TBC1D1: variants seen among roughly 807,000 people sequenced by gnomAD.
TBC1D1 encodes the protein TBC1 (tre-2/USP6, BUB2, cdc16) domain family, member 1.
In TBC1D1, 89 loss-of-function variants were observed where a neutral mutation model predicts 125.6. That is an observed-to-expected ratio of 0.71 (90% CI 0.60 to 0.85). TBC1D1 has a LOEUF of 0.85. TBC1D1 is among the 40% of genes least tolerant of loss of function. The pLI is 0.00. For missense variants in TBC1D1, 1,377 were observed against 1,469.2 expected, an observed-to-expected ratio of 0.94 and a Z score of 1.03; for synonymous variants, 565 against 564.1, an observed-to-expected ratio of 1.00 and a Z score of -0.02.
rs541022547 is a variant in TBC1D1, at chr4:38,067,611, C to T, written c.2050+13273C>T. Reference sequence around the variant, plus strand: ...GAGGCCGTCAGTGGGGATACCTTTCCGGACAAAGTGGTGTTTCTGCCTGGC... The same window carrying T: ...GAGGCCGTCAGTGGGGATACCTTTCTGGACAAAGTGGTGTTTCTGCCTGGC... On this transcript the variant is annotated intron_variant, in intron 12 of 19. Transcript: ENST00000261439. Among the ~76,000 whole-genome samples the T allele has an allele frequency of 3.2e-4, 49 of 152,296 alleles. 1 individual carries two copies. The highest frequency in any genetic ancestry group is 1.0e-3 in the African/African-American group (42 of 41,562).
At chr4:37,914,767 A>G (rs939677328) in intron 2 of TBC1D1, among the ~76,000 whole-genome samples, 18 of 152,170 alleles carry the variant, frequency 1.2e-4, no homozygotes, top group African/African-American at 4.1e-4. Flanking sequence ...CCTGGTGTTT[A>G]TATTGCTCAA....
At chr4:38,129,075 G>A (rs1368177144) in intron 18 of TBC1D1, among the ~76,000 whole-genome samples, 1 of 152,164 alleles carries the variant, frequency 6.6e-6, no homozygotes, top group Admixed American at 6.5e-5. Context: ...AGCATCTGGG[G>A]CCACACCCGA....
chr4:37,916,091 G>C lies in TBC1D1; in HGVS notation c.417+13579G>C, dbSNP rs922341722. ...CTTTTTATTCTGAAATGCTTTTTCTGATTATACAAGAGTTGATGCTAAATG... is the reference window on the plus strand; with the variant it reads ...CTTTTTATTCTGAAATGCTTTTTCTCATTATACAAGAGTTGATGCTAAATG... On this transcript the variant is annotated intron_variant, in intron 2 of 19. Transcript: ENST00000261439. 2.0e-5 allele frequency among the ~76,000 whole-genome samples: 3 copies of C among 152,116 alleles called. No individual in the cohort carries two copies. In the South Asian group the frequency reaches 6.2e-4, roughly 32 times the overall value.
At chr4:37,935,709 C>T (rs1298147253) in intron 2 of TBC1D1, among the ~76,000 whole-genome samples, 1 of 152,164 alleles carries the variant, frequency 6.6e-6, no homozygotes, top group African/African-American at 2.4e-5. Flanking sequence ...CCTGTTTAAG[C>T]TCTTGCATGG....
intron 2 of TBC1D1, among the ~76,000 whole-genome samples, chr4:37,910,834 G>T (rs562307727): frequency 6.6e-6 from 1 of 152,146 alleles, no homozygotes; most frequent in South Asian, 2.1e-4. Context: ...GATGCTTGAG[G>T]TGATGGATAC....
At chr4:38,058,349 C>T (rs1390222429) in intron 12 of TBC1D1, among the ~76,000 whole-genome samples, 2 of 152,194 alleles carry the variant, frequency 1.3e-5, no homozygotes, top group African/African-American at 2.4e-5. Context: ...ACATCACATC[C>T]AAAGACAGTT....
rs796563743 is a variant in TBC1D1, at chr4:38,138,992, G to A, written c.*1657G>A. 12 of 152,660 alleles carry A rather than the reference G, an allele frequency of 7.9e-5. No homozygotes were observed. Among genetic ancestry groups the A allele is most frequent in the African/African-American group, 1.7e-4 (7 of 41,538 alleles). 9.5% of individuals were successfully genotyped at this position (152,660 alleles called of 1,614,324 possible). On this transcript the variant is annotated 3_prime_UTR_variant, in exon 20 of 20. Transcript: ENST00000261439. ...ATGATGAGTTCAGCCTTTATCCCTC[G>A]TGGTTCCGCTAGATGTAACTTATAG... is the stretch of plus-strand genomic sequence containing the variant.
chr4:37,948,936 G>A (rs992412427), intron 2 of TBC1D1, among the ~76,000 whole-genome samples: 8 of 152,280 alleles, frequency 5.3e-5, no homozygotes, highest in South Asian at 4.1e-4. Flanking sequence ...TCATGTTGTA[G>A]CATATATCAG....
chr4:37,999,005 G>C (rs1262982036), intron 2 of TBC1D1, among the ~76,000 whole-genome samples: 3 of 152,148 alleles, frequency 2.0e-5, no homozygotes, highest in Non-Finnish European at 4.4e-5. Context: ...CCAGCACTTT[G>C]GGAAGCCAAA....
rs543592457 is a variant in TBC1D1 at position 38,073,403 on chromosome 4, A to G, written c.2051-16529A>G. Among the ~76,000 whole-genome samples, 3 of 152,350 alleles carry G rather than the reference A, an allele frequency of 2.0e-5. No homozygotes were observed. In the South Asian group the frequency reaches 6.2e-4, roughly 32 times the overall value. On this transcript the variant is annotated intron_variant, in intron 12 of 19. Coordinates refer to ENST00000261439, the MANE Select transcript of TBC1D1 (RefSeq NM_015173.4). ...TGGTAAATATGTAAGTTTTTATTAT[A>G]AAATAATGGCCATCCTAGTGAGCGT...
intron 2 of TBC1D1, among the ~76,000 whole-genome samples, chr4:37,909,450 T>C (rs1364059276): frequency 6.6e-6 from 1 of 152,230 alleles, no homozygotes; most frequent in African/African-American, 2.4e-5. Context: ...CCACTTAATA[T>C]ATGCACCATT....
At position 38,093,514 on chromosome 4, in the gene TBC1D1, C is replaced by T. The variant is rs571319858; in HGVS notation, c.2237-2415C>T. On this transcript the variant is annotated intron_variant, in intron 13 of 19. Coordinates refer to ENST00000261439, the MANE Select transcript of TBC1D1 (RefSeq NM_015173.4). The stretch of plus-strand genomic sequence containing the variant: ...CCTCCACCGTCCTCCTCTGCAAGGC[C>T]GTTTTCCCCCCCCTTTTTTTTTTTT... Among the ~76,000 whole-genome samples, 8 of 148,888 alleles carry T rather than the reference C, an allele frequency of 5.4e-5. No individual in the cohort carries two copies. In the East Asian group the frequency reaches 1.2e-3, roughly 22 times the overall value.
At chr4:37,916,340 G>GTA (rs199852317) in intron 2 of TBC1D1, among the ~76,000 whole-genome samples, 2,651 of 150,602 alleles carry the variant, frequency 0.018, 81 homozygotes, top group African/African-American at 0.061. Context: ...ATGTGTGTGT[G>GTA]TATATATGTG....
rs1016975778 is a variant in TBC1D1 at position 38,089,934 on chromosome 4, T to G, written c.2053T>G (p.Tyr685Asp). 1.3e-6 allele frequency: 2 copies of G among 1,563,612 alleles called. No homozygotes were observed. The highest frequency in any genetic ancestry group is 2.8e-5 in the African/African-American group (2 of 72,336). Residue 685 changes from tyrosine (Y) to aspartate (D), a missense_variant and splice_region_variant, in exon 13 of 20, where the codon TAT becomes GAT. By Grantham distance (160) the Tyr-to-Asp change is radical (BLOSUM62 -3). This residue lies in a region of TBC1D1 where 543 missense variants were observed against 613.5 expected (regional missense o/e 0.89). Coordinates refer to ENST00000261439, the MANE Select transcript of TBC1D1 (RefSeq NM_015173.4). ...TGGAATGCCGTCTCCCTTTCCAGAT[T>G]ATTCAGAGCTGGGAGAGCTTCCCCC...
intron 2 of TBC1D1, among the ~76,000 whole-genome samples, chr4:37,912,473 A>T (rs921586727): frequency 6.6e-6 from 1 of 152,244 alleles, no homozygotes; most frequent in Non-Finnish European, 1.5e-5. Context: ...AGGAAGGGCT[A>T]AGGCCAGATT....
intron 2 of TBC1D1, among the ~76,000 whole-genome samples, chr4:37,919,245 G>A (rs1424688895): frequency 6.6e-6 from 1 of 151,666 alleles, no homozygotes; most frequent in Non-Finnish European, 1.5e-5. Flanking sequence ...TCGGCTCACT[G>A]CAACCTCCAC....
Position 38,137,250 on chromosome 4 carries a change from A to G in TBC1D1, c.3422A>G (p.Gln1141Arg). ...GAACTGGAGCGGTCGGCCCTGCTGC[A>G]GACGGTGGAGGAGCTGCGGCGGCGG... The change falls in exon 20 of 20, where the codon CAG becomes CGG. Residue 1141 changes from glutamine to arginine, a missense_variant. This residue lies in a region of TBC1D1 where 543 missense variants were observed against 613.5 expected (regional missense o/e 0.89). Transcript: ENST00000261439. 6.2e-7 allele frequency: 1 copy of G among 1,612,222 alleles called. No individual in the cohort carries two copies.
intron 12 of TBC1D1, among the ~76,000 whole-genome samples, chr4:38,056,542 A>C (rs1578466988): frequency 6.6e-6 from 1 of 152,182 alleles, no homozygotes; most frequent in East Asian, 1.9e-4. Context: ...GGCACAGTTG[A>C]CCATGCCTGT....
At chr4:37,904,303 C>A (rs1056199304) in intron 2 of TBC1D1, among the ~76,000 whole-genome samples, 2 of 152,198 alleles carry the variant, frequency 1.3e-5, no homozygotes, top group Non-Finnish European at 2.9e-5. Flanking sequence ...CTTCAGCTTT[C>A]AAAGATGAGA....
Sources: allele counts gnomAD v4.1 joint callset (sites outside exome capture counted in the v4.1 genomes callset), GRCh38; gene constraint gnomAD v4.1.1; regional missense constraint gnomAD v4.1.1; transcripts MANE v1.5; gene names NCBI Gene and HGNC (gene_info 2026-07-23, HGNC 2026-07-21).